Variants in EPHA6 observed in about 807,000 individuals in gnomAD.
EPHA6 encodes the protein EPH receptor A6.
Under a neutral mutation model 112.0 loss-of-function variants are expected in EPHA6, and 50 were observed. The ratio of observed to expected loss-of-function variants is 0.45; its 90% confidence interval spans 0.36 to 0.56. The LOEUF (loss-of-function observed/expected upper bound fraction) is 0.56, where lower values mean the gene tolerates loss of function less well. Among genes scored for constraint, EPHA6 ranks in the 20% least tolerant of loss-of-function variants. The pLI is 0.00. For missense variants in EPHA6, 1,280 were observed against 1,417.4 expected (o/e 0.90, Z 1.56); for synonymous variants, 529 against 490.7 (o/e 1.08, Z -1.03).
chr3:97,256,981 A>G (rs2108610451), intron 5 of EPHA6, among the ~76,000 whole-genome samples: 2 of 152,170 alleles, frequency 1.3e-5, no homozygotes, highest in South Asian at 4.1e-4. Context: ...AAAATTTCTG[A>G]TTAAAGAAAC....
chr3:96,963,160 CAAA>C (rs376176100), intron 2 of EPHA6, among the ~76,000 whole-genome samples: 17 of 85,658 alleles, frequency 2.0e-4, no homozygotes, highest in Admixed American at 1.1e-4. Flanking sequence ...AAACTGCATC[CAAA>C]AAAAAAAAAA....
At chr3:96,937,807 G>C (rs373552397) in intron 2 of EPHA6, among the ~76,000 whole-genome samples, 7,220 of 152,092 alleles carry the variant, frequency 0.047, 481 homozygotes, top group African/African-American at 0.15. Context: ...AAGGGATCCA[G>C]TTTCAGCTTT....
chr3:97,492,376 C>G (rs546477486), intron 10 of EPHA6, among the ~76,000 whole-genome samples: 1 of 151,020 alleles, frequency 6.6e-6, no homozygotes, highest in African/African-American at 2.4e-5. Context: ...AACCCAGTCT[C>G]TACTAAAATA....
At chr3:96,842,996 T>TA (rs1322734530) in intron 1 of EPHA6, among the ~76,000 whole-genome samples, 1 of 152,084 alleles carries the variant, frequency 6.6e-6, no homozygotes, top group Non-Finnish European at 1.5e-5. Context: ...TACTCTATGA[T>TA]AACCATAATT....
intron 16 of EPHA6, among the ~76,000 whole-genome samples, chr3:97,739,416 T>C (rs2035408157): frequency 3.0e-5 from 1 of 33,542 alleles, no homozygotes; most frequent in African/African-American, 1.1e-4. Context: ...ATCCTTTCTC[T>C]TGACAGAGTA....
chr3:97,733,830 T>C (rs1417947031), intron 15 of EPHA6, among the ~76,000 whole-genome samples: 2 of 152,074 alleles, frequency 1.3e-5, no homozygotes, highest in Non-Finnish European at 2.9e-5. Context: ...GAAGTCCAAA[T>C]AGCAGATGCC....
chr3:97,277,670 T>C (rs1181245871), intron 5 of EPHA6, among the ~76,000 whole-genome samples: 8 of 152,314 alleles, frequency 5.3e-5, no homozygotes, highest in Non-Finnish European at 8.8e-5. Context: ...TAAATACTTA[T>C]ATATCTAAAC....
intron 2 of EPHA6, among the ~76,000 whole-genome samples, chr3:96,981,583 G>A (rs2042784151): frequency 6.6e-6 from 1 of 152,030 alleles, no homozygotes; most frequent in African/African-American, 2.4e-5. Flanking sequence ...AAGTGAGGGA[G>A]GATTCTCTCT....
At chr3:97,060,849 G>C (rs967555514) in intron 3 of EPHA6, among the ~76,000 whole-genome samples, 1 of 150,204 alleles carries the variant, frequency 6.7e-6, no homozygotes, top group African/African-American at 2.4e-5. Flanking sequence ...GCGTGAACCC[G>C]GGAGGCGGAG....
intron 4 of EPHA6, among the ~76,000 whole-genome samples, chr3:97,232,488 T>C (rs2078557856): frequency 6.6e-6 from 1 of 152,164 alleles, no homozygotes; most frequent in Admixed American, 6.5e-5. Flanking sequence ...ACTGAATGCC[T>C]AAGACCTTTT....
At chr3:97,590,463 A>C (rs1382717213) in intron 11 of EPHA6, among the ~76,000 whole-genome samples, 2 of 152,210 alleles carry the variant, frequency 1.3e-5, no homozygotes, top group African/African-American at 4.8e-5. Context: ...TTATGAGTTG[A>C]CAGTTTGGAT....
chr3:97,726,698 C>T (rs1576360399), intron 15 of EPHA6, among the ~76,000 whole-genome samples: 2 of 152,020 alleles, frequency 1.3e-5, no homozygotes, highest in South Asian at 4.2e-4. Context: ...CATCCAAGTT[C>T]GAAATAGTTA....
intron 2 of EPHA6, among the ~76,000 whole-genome samples, chr3:96,964,259 C>A (rs1255417763): frequency 6.6e-6 from 1 of 152,146 alleles, no homozygotes; most frequent in Admixed American, 6.6e-5. Flanking sequence ...GCCCCTGAGG[C>A]TGGAAGGCCC....
intron 3 of EPHA6, among the ~76,000 whole-genome samples, chr3:97,043,251 A>G (rs1423363746): frequency 1.3e-5 from 2 of 152,124 alleles, no homozygotes; most frequent in Non-Finnish European, 2.9e-5. Flanking sequence ...AAGATGTAAT[A>G]TCTCAGTGGT....
intron 3 of EPHA6, among the ~76,000 whole-genome samples, chr3:97,023,690 C>A (rs1055285834): frequency 6.7e-6 from 1 of 150,180 alleles, no homozygotes; most frequent in Non-Finnish European, 1.5e-5. Flanking sequence ...TACAATGTTT[C>A]TTTTAAAACT....
chr3:97,476,307 T>C (rs1053073129), intron 8 of EPHA6, among the ~76,000 whole-genome samples: 23 of 152,066 alleles, frequency 1.5e-4, no homozygotes, highest in African/African-American at 5.3e-4. Flanking sequence ...CCTCAACAGA[T>C]TTTTTATAAT....
chr3:96,822,517 C>T (rs1343221819), intron 1 of EPHA6, among the ~76,000 whole-genome samples: 1 of 151,752 alleles, frequency 6.6e-6, no homozygotes, highest in Admixed American at 6.6e-5. Flanking sequence ...TGCTATTTTA[C>T]TTCGTAACTT....
chr3:97,342,210 GT>G (rs1161087975), intron 5 of EPHA6, among the ~76,000 whole-genome samples: 2 of 152,084 alleles, frequency 1.3e-5, no homozygotes, highest in African/African-American at 4.8e-5. Context: ...GCTTCTGTGT[GT>G]TTTTATTTTT....
chr3:97,275,334 A>G (rs532230969), intron 5 of EPHA6, among the ~76,000 whole-genome samples: 6 of 152,318 alleles, frequency 3.9e-5, no homozygotes, highest in South Asian at 2.1e-4. Context: ...AATGGGGGCT[A>G]TCTGTGAAGC....
Sources: allele counts gnomAD v4.1 joint callset (sites outside exome capture counted in the v4.1 genomes callset), GRCh38; gene constraint gnomAD v4.1.1; transcripts MANE v1.5; gene names NCBI Gene and HGNC (gene_info 2026-07-23, HGNC 2026-07-21).